Variants in BAALC observed in about 807,000 individuals in gnomAD.
BAALC encodes brain and acute leukemia cytoplasmic protein.
Under a neutral mutation model 15.5 loss-of-function variants are expected in BAALC, and 9 were observed. The ratio of observed to expected loss-of-function variants is 0.58; its 90% CI spans 0.35 to 1.02. The LOEUF is 1.02. Ranked by LOEUF, BAALC falls within the 50% of genes least tolerant of loss-of-function variation. The probability of loss-of-function intolerance (pLI) is 0.02; values close to 1 mark genes in which losing one functional copy is unlikely to be tolerated. For synonymous variants in BAALC, 80 were observed against 74.6 expected (o/e 1.07, Z -0.37); for missense variants, 201 against 192.4 (o/e 1.04, Z -0.27).
chr8:103,147,378 C>A (rs1459128311), intron 1 of BAALC, among the ~76,000 whole-genome samples: 1 of 152,148 alleles, frequency 6.6e-6, no homozygotes, highest in Non-Finnish European at 1.5e-5. Flanking sequence ...AATAACTCAA[C>A]TGTATATTTT....
At chr8:103,154,236 T>C (rs143061607) in intron 1 of BAALC, among the ~76,000 whole-genome samples, 7 of 152,082 alleles carry the variant, frequency 4.6e-5, no homozygotes, top group Non-Finnish European at 7.4e-5. Context: ...CAGAAGGGGG[T>C]AGTCAGAGCG....
chr8:103,205,330 T>G (rs1812303968), intron 1 of BAALC, among the ~76,000 whole-genome samples: 1 of 152,150 alleles, frequency 6.6e-6, no homozygotes, highest in African/African-American at 2.4e-5. Flanking sequence ...ACACAGCTAT[T>G]TCCTATCTTT....
At chr8:103,167,294 C>T (rs1039979705) in intron 1 of BAALC, among the ~76,000 whole-genome samples, 1 of 152,152 alleles carries the variant, frequency 6.6e-6, no homozygotes, top group Non-Finnish European at 1.5e-5. Flanking sequence ...GTCCTAGGCA[C>T]TCAGGCTAGA....
At chr8:103,222,418 G>C (rs1226922827) in intron 2 of BAALC, among the ~76,000 whole-genome samples, 1 of 152,132 alleles carries the variant, frequency 6.6e-6, no homozygotes, top group Non-Finnish European at 1.5e-5. Flanking sequence ...GAGTCAGACT[G>C]GAAAGTAAAA....
chr8:103,144,048 C>G (rs1374585137), intron 1 of BAALC, among the ~76,000 whole-genome samples: 1 of 152,222 alleles, frequency 6.6e-6, no homozygotes, highest in Non-Finnish European at 1.5e-5. Flanking sequence ...AACCCACAAC[C>G]TCAACTCCAC....
intron 1 of BAALC, among the ~76,000 whole-genome samples, chr8:103,187,366 G>T (rs1331967656): frequency 6.6e-6 from 1 of 152,204 alleles, no homozygotes; most frequent in Non-Finnish European, 1.5e-5. Flanking sequence ...CAGTCGGGTA[G>T]AGACCAGGGG....
At chr8:103,154,618 T>A (rs1325951925) in intron 1 of BAALC, 3 of 153,496 alleles carry the variant, frequency 2.0e-5, no homozygotes, top group Non-Finnish European at 4.4e-5. Context: ...ACCTTTGGGG[T>A]GATGGGTGGG....
At chr8:103,176,361 A>C (rs1278398754) in intron 1 of BAALC, among the ~76,000 whole-genome samples, 2 of 152,142 alleles carry the variant, frequency 1.3e-5, no homozygotes, top group African/African-American at 4.8e-5. Flanking sequence ...TGACAAAAAA[A>C]CCCAAAAATT....
intron 1 of BAALC, among the ~76,000 whole-genome samples, chr8:103,150,920 G>C (rs1810971916): frequency 1.3e-5 from 2 of 152,092 alleles, no homozygotes; most frequent in African/African-American, 4.8e-5. Context: ...CAAGGATCAT[G>C]ACCTCGGGTC....
At chr8:103,167,911 T>A (rs1170167402) in intron 1 of BAALC, among the ~76,000 whole-genome samples, 1 of 152,216 alleles carries the variant, frequency 6.6e-6, no homozygotes, top group Non-Finnish European at 1.5e-5. Context: ...CTTCTGTTTT[T>A]AGCACAGATG....
intron 1 of BAALC, among the ~76,000 whole-genome samples, chr8:103,146,928 G>T (rs769978397): frequency 2.7e-5 from 4 of 147,540 alleles, no homozygotes. Context: ...TGAGAGTCTA[G>T]TGATGGTACC....
At chr8:103,141,364 C>T (rs1810772004) in intron 1 of BAALC, 1 of 322,092 alleles carries the variant, frequency 3.1e-6, no homozygotes, top group Non-Finnish European at 5.6e-6. Flanking sequence ...CCACCTCCTC[C>T]GCACACATAT....
At chr8:103,193,480 G>A (rs1812020014) in intron 1 of BAALC, among the ~76,000 whole-genome samples, 1 of 152,164 alleles carries the variant, frequency 6.6e-6, no homozygotes. Flanking sequence ...CCTGAAATCA[G>A]CCTTTTGCAC....
intron 1 of BAALC, among the ~76,000 whole-genome samples, chr8:103,161,965 G>A (rs75808574): frequency 6.7e-6 from 1 of 149,666 alleles, no homozygotes; most frequent in East Asian, 2.0e-4. Context: ...TTTGTTTTTT[G>A]TTTTTGTTTT....
chr8:103,148,303 C>A (rs1586371286), intron 1 of BAALC, among the ~76,000 whole-genome samples: 1 of 152,308 alleles, frequency 6.6e-6, no homozygotes, highest in East Asian at 1.9e-4. Context: ...CACTGAAAAC[C>A]ACTGGAAGCT....
In BAALC at chr8:103,181,360, C is replaced by T. The variant is rs183972334; in HGVS notation, c.161-31559C>T. ...CAATCTCAGCTCACTGCAAGCTCCA[C>T]CTCCCAGGTTCACACCATTCTCCTG... On this transcript the variant is annotated intron_variant, in intron 1 of 2. Transcript: ENST00000309982. 1.1e-4 allele frequency among the ~76,000 whole-genome samples: 17 copies of T among 152,294 alleles called. 1 individual carries two copies. The highest frequency in any genetic ancestry group is 3.1e-4 in the African/African-American group (13 of 41,560).
chr8:103,210,350 G>C (rs968582183), intron 1 of BAALC, among the ~76,000 whole-genome samples: 1 of 152,204 alleles, frequency 6.6e-6, no homozygotes, highest in Non-Finnish European at 1.5e-5. Context: ...TCAATGTTTT[G>C]AATTCTGATT....
intron 1 of BAALC, among the ~76,000 whole-genome samples, chr8:103,188,681 C>T (rs1481959759): frequency 6.6e-6 from 1 of 152,200 alleles, no homozygotes; most frequent in Admixed American, 6.5e-5. Context: ...CCTCTACTTA[C>T]AGTTTTCATA....
intron 1 of BAALC, among the ~76,000 whole-genome samples, chr8:103,163,857 C>T (rs1272272079): frequency 2.6e-5 from 4 of 152,046 alleles, no homozygotes; most frequent in Non-Finnish European, 5.9e-5. Context: ...TCCTTCCTTC[C>T]CACAAATATT....
Sources: allele counts gnomAD v4.1 joint callset (sites outside exome capture counted in the v4.1 genomes callset), GRCh38; gene constraint gnomAD v4.1.1; transcripts MANE v1.5; gene names NCBI Gene and HGNC (gene_info 2026-07-23, HGNC 2026-07-21).